Variants in MOB4 observed in about 807,000 individuals in gnomAD.
The protein encoded by MOB4 is MOB family member 4, phocein.
Under a neutral mutation model 32.2 loss-of-function variants are expected in MOB4, and 4 were observed. That is an observed-to-expected ratio of 0.12 (90% CI 0.06 to 0.28). The LOEUF is 0.28. MOB4 is among the 10% of genes least tolerant of loss of function. MOB4 has a pLI of 1.00. For synonymous variants in MOB4, 88 were observed against 88.1 expected (o/e 1.00, Z 0.01); for missense variants, 158 against 271.2 (o/e 0.58, Z 2.93).
intron 1 of MOB4, chr2:197,516,837 T>G (rs971146395): frequency 2.3e-6 from 1 of 426,644 alleles, no homozygotes. Context: ...TAGGGCATTA[T>G]GTGTGGTAAA....
intron 2 of MOB4, among the ~76,000 whole-genome samples, chr2:197,527,980 T>C (rs965518252): frequency 2.0e-5 from 3 of 152,196 alleles, no homozygotes; most frequent in African/African-American, 7.2e-5. Flanking sequence ...CTGATAACTT[T>C]CTTTTGATTT....
At chr2:197,518,265 C>CT (rs903259068) in intron 1 of MOB4, among the ~76,000 whole-genome samples, 36 of 151,184 alleles carry the variant, frequency 2.4e-4, no homozygotes, top group Non-Finnish European at 2.4e-4. Flanking sequence ...TTCTTTCTTT[C>CT]TTTTTTTTGT....
At chr2:197,525,055 T>A (rs2086585366) in intron 2 of MOB4, among the ~76,000 whole-genome samples, 1 of 151,964 alleles carries the variant, frequency 6.6e-6, no homozygotes, top group Non-Finnish European at 1.5e-5. Context: ...ATAATAAAAG[T>A]AGATAGCTGG....
intron 1 of MOB4, 172 bp downstream of exon 1, chr2:197,516,318 G>GGCGGCC: frequency 7.0e-7 from 1 of 1,429,580 alleles, no homozygotes; most frequent in East Asian, 2.7e-5. Flanking sequence ...CTGAGGCGGT[G>GGCGGCC]GCGGCCGCCG....
At chr2:197,534,287 A>G (rs1455259685) in intron 2 of MOB4, among the ~76,000 whole-genome samples, 2 of 152,234 alleles carry the variant, frequency 1.3e-5, no homozygotes, top group African/African-American at 4.8e-5. Flanking sequence ...GTTCTAACGT[A>G]TTTAGACTTC....
intron 2 of MOB4, among the ~76,000 whole-genome samples, chr2:197,525,978 C>G (rs966792428): frequency 1.9e-4 from 29 of 152,154 alleles, no homozygotes; most frequent in African/African-American, 6.8e-4. Flanking sequence ...TTTCTACATA[C>G]GAGACCCATG....
At chr2:197,517,424 C>T (rs922901812) in intron 1 of MOB4, among the ~76,000 whole-genome samples, 6 of 152,162 alleles carry the variant, frequency 3.9e-5, no homozygotes, top group Non-Finnish European at 7.4e-5. Context: ...CACTTTTCTT[C>T]CTCATGCTCT....
chr2:197,543,572 ATCCAGTATGT>A (rs1454498715), intron 5 of MOB4, among the ~76,000 whole-genome samples: 1 of 152,150 alleles, frequency 6.6e-6, no homozygotes, highest in Non-Finnish European at 1.5e-5. Flanking sequence ...AACCTTTAAA[ATCCAGTATGT>A]ATTATGTGGA....
intron 5 of MOB4, among the ~76,000 whole-genome samples, chr2:197,546,143 G>A (rs988047304): frequency 4.0e-5 from 6 of 151,572 alleles, no homozygotes; most frequent in Non-Finnish European, 8.8e-5. Context: ...CTCACTGCAA[G>A]CTCCGCCTCC....
At chr2:197,520,467 C>G (rs2086496557) in intron 1 of MOB4, among the ~76,000 whole-genome samples, 2 of 152,066 alleles carry the variant, frequency 1.3e-5, no homozygotes, top group South Asian at 4.1e-4. Flanking sequence ...GTGTTTACTT[C>G]TAATTTGCTT....
chr2:197,520,580 G>A (rs112977258), intron 1 of MOB4, among the ~76,000 whole-genome samples: 1 of 152,058 alleles, frequency 6.6e-6, no homozygotes, highest in Non-Finnish European at 1.5e-5. Context: ...TCCCCACCAA[G>A]TTTTACCTCA....
chr2:197,529,374 T>C lies in MOB4; in HGVS notation c.123+5688T>C, dbSNP rs572582414. 9.0e-4 allele frequency among the ~76,000 whole-genome samples: 135 copies of C among 149,698 alleles called. 2 individuals are homozygous for C. The South Asian group carries it at 0.012, about 14-fold the overall frequency. On this transcript the variant is annotated intron_variant, in intron 2 of 7. Coordinates refer to ENST00000323303, the MANE Select transcript of MOB4 (RefSeq NM_015387.5). Reference sequence around the variant, plus strand: ...TATTTATTTATTTATTTTTTTGAGATAGAGTCTCGCTCTGTCACCCAGACT... The same window carrying C: ...TATTTATTTATTTATTTTTTTGAGACAGAGTCTCGCTCTGTCACCCAGACT...
At position 197,550,747 on chromosome 2, in the gene MOB4, G is replaced by T; in HGVS notation, c.*101G>T. The T allele has an allele frequency of 7.3e-7, 1 of 1,376,396 alleles. No individual in the cohort carries two copies. Among genetic ancestry groups the T allele is most frequent in the Non-Finnish European group, 9.5e-7 (1 of 1,055,232 alleles). The allele number at this position is 1,376,396 out of a possible 1,614,324, so 85.3% of individuals were successfully genotyped here. A position where few individuals can be genotyped will look rare whatever the true frequency, so the allele number is the denominator to read the frequency against. On this transcript the variant is annotated 3_prime_UTR_variant, in exon 8 of 8. Transcript: ENST00000323303. Reference sequence around the variant, plus strand: ...CATGTATCCATATTATAGCTTCTTTGTTTAGTATAGGTTTTTGTATGCTGG... The same window carrying T: ...CATGTATCCATATTATAGCTTCTTTTTTTAGTATAGGTTTTTGTATGCTGG...
intron 2 of MOB4, among the ~76,000 whole-genome samples, chr2:197,532,269 G>A (rs1482728386): frequency 6.6e-6 from 1 of 152,036 alleles, no homozygotes; most frequent in African/African-American, 2.4e-5. Flanking sequence ...ATATAAATTG[G>A]TATCAATAAA....
chr2:197,535,090 G>A (rs941631717), intron 2 of MOB4, among the ~76,000 whole-genome samples: 2 of 152,118 alleles, frequency 1.3e-5, no homozygotes, highest in Non-Finnish European at 2.9e-5. Context: ...CGGCGTGATG[G>A]CGTGTGCCTG....
chr2:197,527,920 A>G (rs190947993), intron 2 of MOB4, among the ~76,000 whole-genome samples: 16 of 152,206 alleles, frequency 1.1e-4, no homozygotes, highest in Admixed American at 2.6e-4. Flanking sequence ...TTAATGTAGT[A>G]TATTGCATTG....
At chr2:197,533,735 A>C (rs1416434178) in intron 2 of MOB4, 3 of 341,632 alleles carry the variant, frequency 8.8e-6, no homozygotes, top group African/African-American at 6.7e-5. Flanking sequence ...AAAAAAAAAA[A>C]AAAAAAAAAA....
intron 1 of MOB4, among the ~76,000 whole-genome samples, chr2:197,517,384 G>T (rs929166448): frequency 1.3e-5 from 2 of 152,218 alleles, no homozygotes; most frequent in East Asian, 3.9e-4. Context: ...AAATTTATCC[G>T]TTACATATGC....
At chr2:197,547,753 T>G (rs1265714391) in intron 5 of MOB4, among the ~76,000 whole-genome samples, 1 of 152,212 alleles carries the variant, frequency 6.6e-6, no homozygotes, top group Non-Finnish European at 1.5e-5. Context: ...CTGTCTGCCC[T>G]CAGGAGGACT....
Sources: allele counts gnomAD v4.1 joint callset (sites outside exome capture counted in the v4.1 genomes callset), GRCh38; gene constraint gnomAD v4.1.1; transcripts MANE v1.5; gene names NCBI Gene and HGNC (gene_info 2026-07-23, HGNC 2026-07-21).